The following CEP135 variants were observed in gnomAD, a reference collection of about 807,000 sequenced individuals.
CEP135 encodes centrosomal protein of 135 kDa.
In CEP135, 142 loss-of-function variants were observed where a neutral mutation model predicts 157.3. The observed-to-expected ratio is 0.90, with a 90% confidence interval of 0.79 to 1.04. The LOEUF is 1.04. Among genes scored for constraint, CEP135 ranks in the 50% least tolerant of loss-of-function variants. The probability of loss-of-function intolerance (pLI) is 0.00; values close to 1 mark genes in which losing one functional copy is unlikely to be tolerated. For missense variants in CEP135, 1,317 were observed against 1,309.2 expected (o/e 1.01, Z -0.09); for synonymous variants, 396 against 439.8 (o/e 0.90, Z 1.25).
At chr4:55,998,693 C>T (rs1347739081) in intron 15 of CEP135, among the ~76,000 whole-genome samples, 2 of 152,044 alleles carry the variant, frequency 1.3e-5, no homozygotes, top group African/African-American at 4.8e-5. Context: ...GGTAAAACCC[C>T]GTCTCTACTA....
intron 19 of CEP135, among the ~76,000 whole-genome samples, chr4:56,010,626 T>C (rs1311520428): frequency 6.6e-6 from 1 of 152,102 alleles, no homozygotes; most frequent in Non-Finnish European, 1.5e-5. Context: ...TTTTAATTAT[T>C]TGTGCAAGCT....
At chr4:55,953,632 G>T (rs1177281257) in intron 3 of CEP135, among the ~76,000 whole-genome samples, 6 of 152,110 alleles carry the variant, frequency 3.9e-5, no homozygotes, top group East Asian at 3.9e-4. Context: ...CACTATATGT[G>T]GATTAAATTT....
chr4:56,021,611 A>C (rs1413306708), intron 24 of CEP135, among the ~76,000 whole-genome samples: 1 of 152,174 alleles, frequency 6.6e-6, no homozygotes, highest in South Asian at 2.1e-4. Flanking sequence ...TTCATTCTCA[A>C]TTAGTGGCCA....
intron 1 of CEP135, among the ~76,000 whole-genome samples, chr4:55,949,849 G>T (rs1728305949): frequency 6.6e-6 from 1 of 152,168 alleles, no homozygotes; most frequent in African/African-American, 2.4e-5. Context: ...ATTTTAATCC[G>T]TCCTGTGTAT....
intron 15 of CEP135, among the ~76,000 whole-genome samples, chr4:55,997,129 G>T (rs973714965): frequency 6.6e-6 from 1 of 152,102 alleles, no homozygotes; most frequent in African/African-American, 2.4e-5. Context: ...TTCCAAACAC[G>T]ATTATGAACA....
chr4:56,011,560 T>G (rs1577907489), intron 20 of CEP135, 38 bp downstream of exon 20: 1 of 550,232 alleles, frequency 1.8e-6, no homozygotes, highest in Non-Finnish European at 2.6e-6. Flanking sequence ...AAGACTGAGG[T>G]TTTTTTTTTT....
intron 19 of CEP135, among the ~76,000 whole-genome samples, chr4:56,011,074 T>C (rs1577906996): frequency 6.6e-6 from 1 of 150,462 alleles, no homozygotes; most frequent in Admixed American, 6.6e-5. Flanking sequence ...TCTCAGAAAA[T>C]TAAAAAAAAA....
chr4:56,013,146 T>C (rs763647559), intron 21 of CEP135, among the ~76,000 whole-genome samples: 3 of 152,252 alleles, frequency 2.0e-5, no homozygotes, highest in African/African-American at 7.2e-5. Flanking sequence ...TGGTTAGTGA[T>C]GTTGAGCATC....
At chr4:55,971,556 A>C in intron 10 of CEP135, 148 bp downstream of exon 10, 3 of 753,132 alleles carry the variant, frequency 4.0e-6, no homozygotes, top group South Asian at 2.5e-5. Flanking sequence ...GTTACTGTAG[A>C]TACAGTAGAA....
At chr4:56,023,756 G>C (rs1311519514) in intron 24 of CEP135, among the ~76,000 whole-genome samples, 2 of 137,892 alleles carry the variant, frequency 1.5e-5, no homozygotes. Context: ...ATCATATATA[G>C]TATATTATAT....
intron 23 of CEP135, among the ~76,000 whole-genome samples, chr4:56,020,079 C>T (rs754714671): frequency 6.6e-6 from 1 of 152,026 alleles, no homozygotes; most frequent in Non-Finnish European, 1.5e-5. Flanking sequence ...GAAGAGAAAA[C>T]GTTAGGAAAG....
chr4:55,985,421 T>TA lies in CEP135; in HGVS notation c.1857+63_1857+64insA. ...TATGAATAACTATGTCAATTACAGT[T>TA]TTAATACACTATTTTTTAATTTTAA... On this transcript the variant is annotated intron_variant, in intron 14 of 25. Coordinates refer to ENST00000257287, the MANE Select transcript of CEP135 (RefSeq NM_025009.5). 3 of 634,280 alleles carry TA rather than the reference T, an allele frequency of 4.7e-6. No homozygotes were observed. The African/African-American group carries it at 5.7e-5, about 12-fold the overall frequency. The allele number at this position is 634,280 out of a possible 1,614,324, so 39.3% of individuals were successfully genotyped here.
At chr4:56,001,844 A>T (rs545161909) in intron 17 of CEP135, among the ~76,000 whole-genome samples, 2 of 152,146 alleles carry the variant, frequency 1.3e-5, no homozygotes, top group Non-Finnish European at 2.9e-5. Context: ...GGGTATTATT[A>T]TCATTTTAAC....
At chr4:55,958,671 G>A (rs1444550304) in intron 5 of CEP135, among the ~76,000 whole-genome samples, 1 of 152,068 alleles carries the variant, frequency 6.6e-6, no homozygotes, top group African/African-American at 2.4e-5. Flanking sequence ...TATGAGTGCA[G>A]TTGCATACAT....
intron 3 of CEP135, among the ~76,000 whole-genome samples, chr4:55,953,766 A>C (rs965328359): frequency 5.3e-5 from 8 of 152,228 alleles, no homozygotes; most frequent in Non-Finnish European, 8.8e-5. Context: ...TAAAAGTAGT[A>C]AATAAGGTGA....
chr4:56,032,190 A>T lies in CEP135; in HGVS notation c.*842A>T, dbSNP rs1731376060. 6.6e-6 allele frequency: 1 copy of T among 152,334 alleles called. No homozygotes were observed. The highest frequency in any genetic ancestry group is 2.4e-5 in the African/African-American group (1 of 41,452). The allele number at this position is 152,334 out of a possible 1,614,324, so 9.4% of individuals were successfully genotyped here. ...CCGGGTGCAGTGGCTCACGCCTGTAATCCCAGCACTTTGGGAGGCCGAGGC... is the reference window on the plus strand; with the variant it reads ...CCGGGTGCAGTGGCTCACGCCTGTATTCCCAGCACTTTGGGAGGCCGAGGC... On this transcript the variant is annotated 3_prime_UTR_variant, in exon 26 of 26. Transcript: ENST00000257287.
chr4:55,999,171 A>G, intron 15 of CEP135, 131 bp from the exon 16 acceptor site: 1 of 662,434 alleles, frequency 1.5e-6, no homozygotes, highest in Non-Finnish European at 2.6e-6. Context: ...ATTATACTGG[A>G]GGAGCTTTAA....
At position 56,032,911 on chromosome 4, in the gene CEP135, A is replaced by G. The variant is rs898081460; in HGVS notation, c.*1563A>G. On this transcript the variant is annotated 3_prime_UTR_variant, in exon 26 of 26. Coordinates refer to ENST00000257287, the MANE Select transcript of CEP135 (RefSeq NM_025009.5). The stretch of plus-strand genomic sequence containing the variant: ...GCAGTGCTCTTTTTCTAAAACTAAT[A>G]TGGCTTATATATCTGAATTATGCCC... 2 of 151,570 alleles carry G rather than the reference A, an allele frequency of 1.3e-5. No individual in the cohort carries two copies. The highest frequency in any genetic ancestry group is 2.9e-5 in the Non-Finnish European group (2 of 67,942). The allele number at this position is 151,570 out of a possible 1,614,324, so 9.4% of individuals were successfully genotyped here.
At chr4:56,014,786 T>A (rs1730713647) in intron 21 of CEP135, among the ~76,000 whole-genome samples, 1 of 152,160 alleles carries the variant, frequency 6.6e-6, no homozygotes, top group Non-Finnish European at 1.5e-5. Flanking sequence ...CCTAGTACTT[T>A]GGAAGGTCAG....
Sources: gnomAD v4.1 joint callset for allele counts (sites outside exome capture counted in the v4.1 genomes callset) on GRCh38, gnomAD v4.1.1 for gene constraint, MANE v1.5 for transcripts, NCBI Gene and HGNC (gene_info 2026-07-23, HGNC 2026-07-21) for gene names.